The following SLC29A4 variants were observed in gnomAD, a reference collection of about 807,000 sequenced individuals.
SLC29A4 encodes equilibrative nucleoside transporter 4.
SLC29A4 carries 36 observed loss-of-function variants against 43.9 expected under a neutral mutation model. That is an observed-to-expected ratio of 0.82 (90% CI 0.63 to 1.08). The LOEUF (loss-of-function observed/expected upper bound fraction) is 1.08. SLC29A4 is among the 50% of genes least tolerant of loss of function. The pLI is 0.00. For missense variants in SLC29A4, 869 were observed against 755.3 expected, an observed-to-expected ratio of 1.15 and a Z score of -1.77; for synonymous variants, 491 against 338.0, an observed-to-expected ratio of 1.45 and a Z score of -4.97.
At chr7:5,287,763 C>G in intron 1 of SLC29A4, 46 bp from the exon 2 acceptor site, 2 of 1,583,626 alleles carry the variant, frequency 1.3e-6, no homozygotes, top group Non-Finnish European at 1.7e-6. Context: ...CCATGGATCC[C>G]TCAGCCTTCT....
intron 5 of SLC29A4, among the ~76,000 whole-genome samples, chr7:5,292,843 T>C (rs1785394262): frequency 6.6e-6 from 1 of 150,608 alleles, no homozygotes; most frequent in Non-Finnish European, 1.5e-5. Flanking sequence ...GGATTACAGG[T>C]GCCCGCCACC....
rs542660020 is a variant in SLC29A4, at chr7:5,294,841, CCT to C, written c.545-6_545-5del. On this transcript the variant is annotated splice_polypyrimidine_tract_variant and intron_variant, in intron 5 of 10. Coordinates refer to ENST00000396872, the MANE Select transcript of SLC29A4 (RefSeq NM_153247.4). ...GTGATAATGGTGCCTCTGGGTTGTT[CCT>C]CTCTCTCTCTCTTAAGTGCAGCAAT... 3.1e-3 allele frequency: 4,574 copies of C among 1,455,942 alleles called. No homozygotes were observed. The highest frequency in any genetic ancestry group is 3.7e-3 in the Non-Finnish European group (3,914 of 1,056,142). 90.2% of individuals were successfully genotyped at this position (1,455,942 alleles called of 1,614,324 possible). A position where few individuals can be genotyped will look rare whatever the true frequency, so the allele number is the denominator to read the frequency against.
At position 5,299,118 on chromosome 7, in the gene SLC29A4, C is replaced by T. The variant is rs575241722; in HGVS notation, c.1013C>T (p.Thr338Ile). 46 of 1,610,132 alleles carry T rather than the reference C, an allele frequency of 2.9e-5. No individual in the cohort carries two copies. In the South Asian group the frequency reaches 4.0e-4, roughly 14 times the overall value. Residue 338 changes from threonine (T) to isoleucine (I), a missense_variant, in exon 8 of 11, where the codon ACC becomes ATC. Coordinates refer to ENST00000396872, the MANE Select transcript of SLC29A4 (RefSeq NM_153247.4). The part of the protein sequence containing the change: ...PRPRVQRSWP[T>I]FRALLLHRYV... ...CCAAGGGTCCAGCGCAGCTGGCCCA[C>T]CTTCAGAGGTGAGTGCGGGGAGTCC...
Position 5,304,516 on chromosome 7 carries a change from AT to A in SLC29A4, c.*1587del, listed in dbSNP as rs1157551537. The stretch of plus-strand genomic sequence containing the variant: ...CTGTGCCTCATTTCTTTCTTTTTTT[AT>A]TTTTTTTTTGAGACTGAGTCTTGCT... On this transcript the variant is annotated 3_prime_UTR_variant, in exon 11 of 11. Coordinates refer to ENST00000396872, the MANE Select transcript of SLC29A4 (RefSeq NM_153247.4). The A allele has an allele frequency of 7.5e-5, 11 of 147,218 alleles. No individual in the cohort carries two copies. The highest frequency in any genetic ancestry group is 6.5e-4 in the South Asian group (3 of 4,606). 9.1% of individuals were successfully genotyped at this position (147,218 alleles called of 1,614,324 possible).
At chr7:5,291,949 TC>T (rs1785336756) in intron 5 of SLC29A4, 128 bp downstream of exon 5, 2 of 1,323,038 alleles carry the variant, frequency 1.5e-6, no homozygotes, top group Non-Finnish European at 2.0e-6. Flanking sequence ...CAGGTGTGTG[TC>T]CACCTGCATG....
chr7:5,285,840 C>A (rs1006354697), intron 1 of SLC29A4, among the ~76,000 whole-genome samples: 5 of 152,070 alleles, frequency 3.3e-5, no homozygotes, highest in African/African-American at 1.2e-4. Flanking sequence ...AGTGAGACCC[C>A]CATCTCTACA....
intron 10 of SLC29A4, among the ~76,000 whole-genome samples, chr7:5,301,577 A>T (rs915815412): frequency 3.3e-5 from 5 of 152,210 alleles, no homozygotes; most frequent in African/African-American, 1.2e-4. Context: ...TTGATGGTTG[A>T]TAAAGCATCC....
chr7:5,300,696 C>T (rs777532949), intron 10 of SLC29A4, 34 bp downstream of exon 10: 2 of 1,596,146 alleles, frequency 1.3e-6, no homozygotes, highest in South Asian at 1.1e-5. Context: ...TGGGGGCGTC[C>T]TCCCAGCAGC....
At chr7:5,292,994 C>T (rs764705620) in intron 5 of SLC29A4, among the ~76,000 whole-genome samples, 3 of 150,106 alleles carry the variant, frequency 2.0e-5, no homozygotes, top group Middle Eastern at 3.6e-3. Context: ...CCACCGCACC[C>T]CGCCCCGATA....
rs1190549400 is a variant in SLC29A4 at position 5,283,004 on chromosome 7, C to T, written c.-87C>T. ...GGACTCGGGGACCGGCGGAGGACGCCGGGCGCGCCCGGCCCGAGGCTGGGG... is the reference window on the plus strand; with the variant it reads ...GGACTCGGGGACCGGCGGAGGACGCTGGGCGCGCCCGGCCCGAGGCTGGGG... On this transcript the variant is annotated 5_prime_UTR_variant, in exon 1 of 11. Transcript: ENST00000396872. The T allele has an allele frequency of 1.5e-5, 1 of 68,462 alleles. No individual in the cohort carries two copies. Among genetic ancestry groups the T allele is most frequent in the Non-Finnish European group, 2.7e-5 (1 of 36,584 alleles). 4.2% of individuals were successfully genotyped at this position (68,462 alleles called of 1,614,324 possible).
At position 5,291,256 on chromosome 7, in the gene SLC29A4, C is replaced by T. The variant is rs538906579; in HGVS notation, c.415+19C>T. 18 of 1,603,128 alleles carry T rather than the reference C, an allele frequency of 1.1e-5. No homozygotes were observed. The Admixed American group carries it at 1.5e-4, about 14-fold the overall frequency. On this transcript the variant is annotated intron_variant, in intron 4 of 10. Coordinates refer to ENST00000396872, the MANE Select transcript of SLC29A4 (RefSeq NM_153247.4). ...ACCGCAGGTGCGCTGGGCCCCGCCA[C>T]GGGACACCTGCCTGTCATGGCTTCC... is the stretch of plus-strand genomic sequence containing the variant.
At chr7:5,290,237 G>T (rs929230502) in intron 2 of SLC29A4, among the ~76,000 whole-genome samples, 1 of 152,066 alleles carries the variant, frequency 6.6e-6, no homozygotes, top group Non-Finnish European at 1.5e-5. Context: ...GGGTTTTTTT[G>T]TATTTTTAGT....
chr7:5,286,797 G>C (rs941482321), intron 1 of SLC29A4, among the ~76,000 whole-genome samples: 2 of 152,162 alleles, frequency 1.3e-5, no homozygotes, highest in African/African-American at 4.8e-5. Context: ...TGAGATCTGG[G>C]TTCTCCCACT....
rs1269491126 is a variant in SLC29A4 at position 5,299,052 on chromosome 7, C to A, written c.947C>A (p.Thr316Asn). The change falls in exon 8 of 11, where the codon ACC (threonine) becomes AAC (asparagine). Residue 316 changes from threonine (T) to asparagine (N), a missense_variant. Coordinates refer to ENST00000396872, the MANE Select transcript of SLC29A4 (RefSeq NM_153247.4). ...AAGGACAGCCCAGCCCACGAGGTGA[C>A]CGGCAGCGGCGGGGCCTACATGCGC... ...SPKDSPAHEV[T>N]GSGGAYMRFD... 6.2e-7 allele frequency: 1 copy of A among 1,611,984 alleles called. No homozygotes were observed. The highest frequency in any genetic ancestry group is 1.3e-5 in the African/African-American group (1 of 74,934).
At position 5,304,227 on chromosome 7, in the gene SLC29A4, TG is replaced by T. The variant is rs769788916; in HGVS notation, c.*1290del. 1.5e-4 allele frequency: 23 copies of T among 152,296 alleles called. No homozygotes were observed. Among genetic ancestry groups the T allele is most frequent in the Non-Finnish European group, 3.1e-4 (21 of 68,196 alleles). 9.4% of individuals were successfully genotyped at this position (152,296 alleles called of 1,614,324 possible). On this transcript the variant is annotated 3_prime_UTR_variant, in exon 11 of 11. Coordinates refer to ENST00000396872, the MANE Select transcript of SLC29A4 (RefSeq NM_153247.4). ...AGGGTGTCCTCACACTGGGTAGGCT[TG>T]GTTTGTGGGCAGCGCTGGGTAGTGG...
At chr7:5,297,276 G>T (rs1285257091) in intron 7 of SLC29A4, 78 bp downstream of exon 7, 1 of 1,414,526 alleles carries the variant, frequency 7.1e-7, no homozygotes, top group Non-Finnish European at 9.3e-7. Context: ...AAGTACCTGG[G>T]GCCCAGCCTC....
chr7:5,297,329 T>C, intron 7 of SLC29A4, 131 bp downstream of exon 7: 2 of 1,061,218 alleles, frequency 1.9e-6, no homozygotes, highest in Non-Finnish European at 2.6e-6. Flanking sequence ...TGGTGGAGAC[T>C]CCTTCCTGCC....
intron 2 of SLC29A4, among the ~76,000 whole-genome samples, chr7:5,289,437 G>T (rs1460228248): frequency 1.3e-5 from 2 of 152,046 alleles, no homozygotes; most frequent in African/African-American, 2.4e-5. Flanking sequence ...GTGGGAGCTA[G>T]TTAAGCCAGG....
chr7:5,290,583 A>C (rs1464698217), intron 2 of SLC29A4, 149 bp from the exon 3 acceptor site: 4 of 1,054,692 alleles, frequency 3.8e-6, no homozygotes, highest in Non-Finnish European at 3.9e-6. Flanking sequence ...TGGCCAGATG[A>C]CAGAGGTATC....
Sources: gnomAD v4.1 joint callset for allele counts (sites outside exome capture counted in the v4.1 genomes callset) on GRCh38, gnomAD v4.1.1 for gene constraint, MANE v1.5 for transcripts, NCBI Gene and HGNC (gene_info 2026-07-23, HGNC 2026-07-21) for gene names.